Variants in FSD2 observed in about 807,000 individuals in gnomAD.
The protein encoded by FSD2 is fibronectin type III and SPRY domain containing 2.
Under a neutral mutation model 80.4 loss-of-function variants are expected in FSD2, and 71 were observed. That is an observed-to-expected ratio of 0.88 (90% CI 0.73 to 1.08). The LOEUF (loss-of-function observed/expected upper bound fraction) is 1.08. FSD2 is among the 50% of genes least tolerant of loss of function. The probability of loss-of-function intolerance (pLI) is 0.00; values close to 1 mark genes in which losing one functional copy is unlikely to be tolerated. For missense variants in FSD2, 923 were observed against 913.8 expected (o/e 1.01, Z -0.13); for synonymous variants, 361 against 329.5 (o/e 1.10, Z -1.03).
At chr15:82,780,481 C>T (rs892794424) in intron 4 of FSD2, among the ~76,000 whole-genome samples, 11 of 151,484 alleles carry the variant, frequency 7.3e-5, no homozygotes, top group Non-Finnish European at 7.4e-5. Flanking sequence ...ATTACAGGCA[C>T]GCACCACCAC....
chr15:82,780,285 A>G lies in FSD2; in HGVS notation c.967-18T>C. 6.8e-7 allele frequency: 1 copy of G among 1,467,424 alleles called. No individual in the cohort carries two copies. Among genetic ancestry groups the G allele is most frequent in the Non-Finnish European group, 9.1e-7 (1 of 1,095,824 alleles). The allele number at this position is 1,467,424 out of a possible 1,614,324, so 90.9% of individuals were successfully genotyped here. ...ACTGCATCCTAAAAAGGAAAAAGAG[A>G]AAATATTAAGTTGATTTTGGAAATA... On this transcript the variant is annotated intron_variant, in intron 4 of 12. Coordinates refer to ENST00000334574, the MANE Select transcript of FSD2 (RefSeq NM_001007122.4).
In FSD2 at chr15:82,755,813, C is replaced by T. The variant is rs1306161947; in HGVS notation, c.*3535G>A. On this transcript the variant is annotated 3_prime_UTR_variant, in exon 13 of 13. Coordinates refer to ENST00000334574, the MANE Select transcript of FSD2 (RefSeq NM_001007122.4). ...TTTCTCTTGCATTTAGATTAATTAA[C>T]CATTGGTTACAGTGAAACAAGCATA... is the stretch of plus-strand genomic sequence containing the variant. The T allele has an allele frequency of 3.9e-6, 1 of 254,988 alleles. No homozygotes were observed. Among genetic ancestry groups the T allele is most frequent in the Non-Finnish European group, 8.3e-6 (1 of 120,932 alleles). 15.8% of individuals were successfully genotyped at this position (254,988 alleles called of 1,614,324 possible).
chr15:82,799,403 C>T (rs1285123576), intron 1 of FSD2, among the ~76,000 whole-genome samples: 1 of 152,174 alleles, frequency 6.6e-6, no homozygotes, highest in Non-Finnish European at 1.5e-5. Context: ...CCTTAACCTC[C>T]ATTCTAGGCC....
chr15:82,778,940 GTATA>G, intron 5 of FSD2, 53 bp from the exon 6 acceptor site: 2 of 1,599,404 alleles, frequency 1.3e-6, no homozygotes, highest in Non-Finnish European at 1.7e-6. Context: ...TCTCCTTAGG[GTATA>G]TATATAGTGC....
At chr15:82,771,974 C>T in intron 7 of FSD2, 99 bp downstream of exon 7, 1 of 1,248,160 alleles carries the variant, frequency 8.0e-7, no homozygotes, top group African/African-American at 1.5e-5. Context: ...TAGACCCATC[C>T]TGTCTCTACC....
At chr15:82,777,498 G>C (rs956221732) in intron 6 of FSD2, among the ~76,000 whole-genome samples, 1 of 152,028 alleles carries the variant, frequency 6.6e-6, no homozygotes, top group Non-Finnish European at 1.5e-5. Context: ...AGGAAAATGC[G>C]CATCAAAACC....
At chr15:82,798,013 T>C (rs558237421) in intron 1 of FSD2, among the ~76,000 whole-genome samples, 1 of 152,024 alleles carries the variant, frequency 6.6e-6, no homozygotes, top group African/African-American at 2.4e-5. Context: ...AGAAGTATCA[T>C]AGATGACCAA....
At chr15:82,780,948 A>C (rs2049842021) in intron 4 of FSD2, among the ~76,000 whole-genome samples, 1 of 152,016 alleles carries the variant, frequency 6.6e-6, no homozygotes, top group South Asian at 2.1e-4. Context: ...AGGCAGGAGG[A>C]TCATCTGAGC....
intron 4 of FSD2, among the ~76,000 whole-genome samples, chr15:82,781,790 TG>T (rs918351356): frequency 4.6e-5 from 7 of 151,932 alleles, no homozygotes; most frequent in African/African-American, 1.5e-4. Flanking sequence ...CCGGGCGCGG[TG>T]GCTCACGCCT....
chr15:82,775,446 T>C (rs1017924201), intron 6 of FSD2, among the ~76,000 whole-genome samples: 5 of 152,176 alleles, frequency 3.3e-5, no homozygotes, highest in Non-Finnish European at 7.3e-5. Flanking sequence ...AATTTCCCTT[T>C]TTCCTTTTCA....
rs540563518 is a variant in FSD2 at position 82,793,325 on chromosome 15, GT to G, written c.-78-5858del. ...CATGTTGGCCAGGCTGGTTTTTTGT[GT>G]TTTTTTTTTTCACGTCAAGAAATAA... is the stretch of plus-strand genomic sequence containing the variant. On this transcript the variant is annotated intron_variant, in intron 1 of 12. Coordinates refer to ENST00000334574, the MANE Select transcript of FSD2 (RefSeq NM_001007122.4). Among the ~76,000 whole-genome samples, 61 of 143,846 alleles carry G rather than the reference GT, an allele frequency of 4.2e-4. 1 individual carries two copies. The highest frequency in any genetic ancestry group is 5.6e-4 in the African/African-American group (22 of 39,530). The allele number at this position is 143,846 out of a possible 152,430, so 94.4% of individuals were successfully genotyped here. A position where few individuals can be genotyped will look rare whatever the true frequency, so the allele number is the denominator to read the frequency against.
intron 1 of FSD2, among the ~76,000 whole-genome samples, chr15:82,800,931 T>C (rs1246627063): frequency 6.6e-6 from 1 of 152,148 alleles, no homozygotes; most frequent in Non-Finnish European, 1.5e-5. Context: ...AAAATGCTAA[T>C]GCTACATATA....
At chr15:82,765,784 A>G in intron 10 of FSD2, 114 bp downstream of exon 10, 1 of 1,340,124 alleles carries the variant, frequency 7.5e-7, no homozygotes. Context: ...CTGACTTGCC[A>G]CGTGTCCACA....
intron 1 of FSD2, among the ~76,000 whole-genome samples, chr15:82,805,657 C>A (rs1247482852): frequency 6.6e-6 from 1 of 152,170 alleles, no homozygotes; most frequent in African/African-American, 2.4e-5. Context: ...CCAAACTGTT[C>A]TACCAAATGG....
chr15:82,797,228 T>G (rs1240200495), intron 1 of FSD2, among the ~76,000 whole-genome samples: 2 of 152,190 alleles, frequency 1.3e-5, no homozygotes, highest in Admixed American at 1.3e-4. Flanking sequence ...AAAAATAATT[T>G]TTCATGATAG....
At chr15:82,783,639 G>A (rs1017901445) in intron 3 of FSD2, among the ~76,000 whole-genome samples, 1 of 152,138 alleles carries the variant, frequency 6.6e-6, no homozygotes, top group Non-Finnish European at 1.5e-5. Context: ...TGACCAGGGA[G>A]ATTATCAGTG....
Position 82,759,194 on chromosome 15 carries a change from G to T in FSD2, c.*154C>A. On this transcript the variant is annotated 3_prime_UTR_variant, in exon 13 of 13. Coordinates refer to ENST00000334574, the MANE Select transcript of FSD2 (RefSeq NM_001007122.4). ...GCACACAGGACTAGAATCCAGGTTGGGTGAAATGAGCGCTAGCACACCAGT... is the reference window on the plus strand; with the variant it reads ...GCACACAGGACTAGAATCCAGGTTGTGTGAAATGAGCGCTAGCACACCAGT... 1.3e-6 allele frequency: 1 copy of T among 781,020 alleles called. No individual in the cohort carries two copies. The highest frequency in any genetic ancestry group is 2.0e-6 in the Non-Finnish European group (1 of 503,110). The allele number at this position is 781,020 out of a possible 1,614,324, so 48.4% of individuals were successfully genotyped here. A position where few individuals can be genotyped will look rare whatever the true frequency, so the allele number is the denominator to read the frequency against.
intron 1 of FSD2, among the ~76,000 whole-genome samples, chr15:82,804,896 A>G (rs1348405825): frequency 6.6e-6 from 1 of 152,092 alleles, no homozygotes; most frequent in Non-Finnish European, 1.5e-5. Context: ...CAACACCTAG[A>G]CTCTTTCTTA....
intron 7 of FSD2, 72 bp from the exon 8 acceptor site, chr15:82,769,956 C>A: frequency 6.4e-7 from 1 of 1,570,124 alleles, no homozygotes; most frequent in Non-Finnish European, 8.7e-7. Flanking sequence ...ATGCCGAATC[C>A]CACAGTAGTA....
Sources: allele counts gnomAD v4.1 joint callset (sites outside exome capture counted in the v4.1 genomes callset), GRCh38; gene constraint gnomAD v4.1.1; transcripts MANE v1.5; gene names NCBI Gene and HGNC (gene_info 2026-07-23, HGNC 2026-07-21).